RBFOX3: variants seen among roughly 807,000 people sequenced by gnomAD.
RBFOX3 encodes the protein RNA binding protein fox-1 homolog 3.
Under a neutral mutation model 48.7 loss-of-function variants are expected in RBFOX3, and 17 were observed. The observed-to-expected ratio is 0.35, with a 90% confidence interval of 0.24 to 0.52. The LOEUF is 0.52. Ranked by LOEUF, RBFOX3 falls within the 20% of genes least tolerant of loss-of-function variation. The pLI is 0.94. For missense variants in RBFOX3, 382 were observed against 497.5 expected, an observed-to-expected ratio of 0.77 and a Z score of 2.21; for synonymous variants, 212 against 209.5, an observed-to-expected ratio of 1.01 and a Z score of -0.10.
chr17:79,403,707 A>G (rs970598104), intron 2 of RBFOX3, among the ~76,000 whole-genome samples: 28 of 151,498 alleles, frequency 1.8e-4, no homozygotes, highest in Non-Finnish European at 1.0e-4. Context: ...CCCTCCAGGC[A>G]TCTGTGTCAG....
rs575763118 is a variant in RBFOX3 at position 79,333,898 on chromosome 17, C to T, written c.-174-26074G>A. Among the ~76,000 whole-genome samples the T allele has an allele frequency of 7.9e-5, 12 of 152,252 alleles. No homozygotes were observed. The East Asian group carries it at 1.2e-3, about 15-fold the overall frequency. ...GGGACCTTCCCCCTCTCCCAGATGC[C>T]GAGGTGTCTCCTCTGTCTCCTCCAG... On this transcript the variant is annotated intron_variant, in intron 2 of 14. Transcript: ENST00000693108.
intron 3 of RBFOX3, among the ~76,000 whole-genome samples, chr17:79,240,367 TC>T (rs544970058): frequency 9.9e-5 from 15 of 152,154 alleles, no homozygotes; most frequent in Non-Finnish European, 2.1e-4. Context: ...CACACATACA[TC>T]CCTTCTCTCC....
rs1195435493 is a variant in RBFOX3, at chr17:79,473,810, TCTC to T, written c.-175+8641_-175+8643del. Among the ~76,000 whole-genome samples, 1 of 151,958 alleles carries T rather than the reference TCTC, an allele frequency of 6.6e-6. No individual in the cohort carries two copies. Among genetic ancestry groups the T allele is most frequent in the Non-Finnish European group, 1.5e-5 (1 of 67,988 alleles). On this transcript the variant is annotated intron_variant, in intron 2 of 14. Transcript: ENST00000693108. This position sits in a 1 kb window ranked among gnomAD's most constrained non-coding sequence, Gnocchi z 4.2. ...AATTATTCTGTTCCGCCTCCATTTT[TCTC>T]CTCCTCCTAAAAGCACACACACACA...
the RBFOX3 span, among the ~76,000 whole-genome samples, chr17:79,647,739 G>T: frequency 6.6e-6 from 1 of 152,120 alleles, no homozygotes; most frequent in African/African-American, 2.4e-5. Flanking sequence ...GTGGCTCAGG[G>T]CTTCGATCCA....
chr17:79,128,343 G>C (rs1030491838), intron 4 of RBFOX3, among the ~76,000 whole-genome samples: 1 of 152,182 alleles, frequency 6.6e-6, no homozygotes, highest in Non-Finnish European at 1.5e-5. Context: ...ATAAACCATC[G>C]TGAGCGTTTT....
chr17:79,542,432 A>C lies in RBFOX3; in HGVS notation c.-319-59834T>G, dbSNP rs868995856. ...AAGAGATTAGGAGGGATCCCAATGA[A>C]TCAGCGAAGAAGCTGGGCTTAGACC... is the stretch of plus-strand genomic sequence containing the variant. On this transcript the variant is annotated intron_variant, in intron 1 of 14. Coordinates refer to ENST00000693108, the MANE Select transcript of RBFOX3 (RefSeq NM_001350451.2). Among the ~76,000 whole-genome samples the C allele has an allele frequency of 2.0e-5, 3 of 152,174 alleles. No individual in the cohort carries two copies. In the South Asian group the frequency reaches 6.2e-4, roughly 32 times the overall value.
intron 1 of RBFOX3, among the ~76,000 whole-genome samples, chr17:79,583,857 A>T (rs1481715775): frequency 6.6e-6 from 1 of 152,182 alleles, no homozygotes; most frequent in African/African-American, 2.4e-5. Context: ...GGTGGTGGCC[A>T]TGGGAAAGGA....
intron 4 of RBFOX3, among the ~76,000 whole-genome samples, chr17:79,173,219 A>AATACATAC (rs60584351): frequency 6.6e-6 from 1 of 150,592 alleles, no homozygotes; most frequent in African/African-American, 2.5e-5. Flanking sequence ...TAAATAAATA[A>AATACATAC]ATACATACAT....
chr17:79,473,915 G>A lies in RBFOX3; in HGVS notation c.-175+8539C>T, dbSNP rs113062402. ...TTCTAAATTAATTTTCCTTCCTCAG[G>A]CATTTGCTGACGCTCCTTTTCTGTT... On this transcript the variant is annotated intron_variant, in intron 2 of 14. Coordinates refer to ENST00000693108, the MANE Select transcript of RBFOX3 (RefSeq NM_001350451.2). The surrounding 1 kb of genome is among the most constrained non-coding windows in gnomAD (Gnocchi z 4.2). Among the ~76,000 whole-genome samples the A allele has an allele frequency of 2.6e-3, 390 of 152,134 alleles. 2 individuals are homozygous for A. The highest frequency in any genetic ancestry group is 9.0e-3 in the African/African-American group (373 of 41,494).
At chr17:79,450,454 G>A (rs1309615675) in intron 2 of RBFOX3, among the ~76,000 whole-genome samples, 2 of 152,100 alleles carry the variant, frequency 1.3e-5, no homozygotes, top group African/African-American at 4.8e-5. Context: ...GAGCCATCCT[G>A]GGATGGGGAC....
chr17:79,331,667 C>T (rs886262793), intron 2 of RBFOX3, among the ~76,000 whole-genome samples: 11 of 152,206 alleles, frequency 7.2e-5, no homozygotes, highest in African/African-American at 2.4e-4. Flanking sequence ...TTGTTCTCTG[C>T]TGCACCTGCC....
At chr17:79,590,929 C>T (rs2093398463) in intron 1 of RBFOX3, among the ~76,000 whole-genome samples, 1 of 152,178 alleles carries the variant, frequency 6.6e-6, no homozygotes, top group Non-Finnish European at 1.5e-5. Flanking sequence ...GAAGGGGCCT[C>T]AAGACTGCAG....
intron 1 of RBFOX3, among the ~76,000 whole-genome samples, chr17:79,491,927 C>T (rs1270934862): frequency 2.0e-5 from 3 of 152,036 alleles, no homozygotes; most frequent in Non-Finnish European, 4.4e-5. Flanking sequence ...TAAAAAACTA[C>T]AAAAATTAGT....
chr17:79,358,373 G>A (rs1024723593), intron 2 of RBFOX3, among the ~76,000 whole-genome samples: 6 of 152,148 alleles, frequency 3.9e-5, no homozygotes, highest in African/African-American at 1.4e-4. Context: ...CCCCACCATC[G>A]GCACACTGCC....
At chr17:79,440,156 G>A (rs1226577030) in intron 2 of RBFOX3, among the ~76,000 whole-genome samples, 1 of 152,144 alleles carries the variant, frequency 6.6e-6, no homozygotes, top group South Asian at 2.1e-4. Flanking sequence ...CAGCCTTACC[G>A]AACAGAGATA....
rs897920220 is a variant in RBFOX3 at position 79,317,511 on chromosome 17, G to T, written c.-174-9687C>A. Among the ~76,000 whole-genome samples, 4 of 152,328 alleles carry T rather than the reference G, an allele frequency of 2.6e-5. No homozygotes were observed. In the East Asian group the frequency reaches 7.7e-4, roughly 29 times the overall value. On this transcript the variant is annotated intron_variant, in intron 2 of 14. Transcript: ENST00000693108. ...TGGTGGTTTGGGTCCACCCTGGAGGGTTCTGCTGGCAATTGAGTCCTGAGC... is the reference window on the plus strand; with the variant it reads ...TGGTGGTTTGGGTCCACCCTGGAGGTTTCTGCTGGCAATTGAGTCCTGAGC...
intron 1 of RBFOX3, among the ~76,000 whole-genome samples, chr17:79,579,601 G>A (rs1268000505): frequency 3.3e-5 from 5 of 152,082 alleles, no homozygotes; most frequent in African/African-American, 7.2e-5. Flanking sequence ...CGGGGCTGGC[G>A]GGAGCTGGAG....
At chr17:79,372,884 C>G (rs7220985) in intron 2 of RBFOX3, among the ~76,000 whole-genome samples, 77,249 of 151,596 alleles carry the variant, frequency 0.51, 19,841 homozygotes, top group East Asian at 0.65. Flanking sequence ...TTTTCTGGTG[C>G]AATTGCGTGA....
At chr17:79,294,707 G>GC (rs2074032430) in intron 3 of RBFOX3, among the ~76,000 whole-genome samples, 1 of 152,204 alleles carries the variant, frequency 6.6e-6, no homozygotes, top group Non-Finnish European at 1.5e-5. Flanking sequence ...CAGCCACGCG[G>GC]CCGAACTCCG....
Sources: gnomAD v4.1 joint callset for allele counts (sites outside exome capture counted in the v4.1 genomes callset) on GRCh38, gnomAD v4.1.1 for gene constraint, Gnocchi (gnomAD v3.1) non-coding constraint, MANE v1.5 for transcripts, NCBI Gene and HGNC (gene_info 2026-07-23, HGNC 2026-07-21) for gene names.